Variants in EPHA3 observed in about 807,000 individuals in gnomAD.
The protein encoded by EPHA3 is EPH receptor A3, also known as ephrin type-A receptor 3.
In EPHA3, 42 loss-of-function variants were observed where a neutral mutation model predicts 107.1. That is an observed-to-expected ratio of 0.39 (90% CI 0.31 to 0.51). The LOEUF (loss-of-function observed/expected upper bound fraction) is 0.51. Among genes scored for constraint, EPHA3 ranks in the 20% least tolerant of loss-of-function variants. The pLI, the probability that EPHA3 is intolerant of heterozygous loss-of-function variation, is 0.78. For synonymous variants in EPHA3, 461 were observed against 424.8 expected, an observed-to-expected ratio of 1.09 and a Z score of -1.05; for missense variants, 1,183 against 1,211.2, an observed-to-expected ratio of 0.98 and a Z score of 0.35.
At chr3:89,319,627 C>A (rs1364875855) in intron 3 of EPHA3, among the ~76,000 whole-genome samples, 2 of 151,892 alleles carry the variant, frequency 1.3e-5, no homozygotes, top group African/African-American at 2.4e-5. Context: ...CCCATCAAAA[C>A]CCTATCTAGA....
At chr3:89,475,169 C>T (rs1472034147) in intron 16 of EPHA3, among the ~76,000 whole-genome samples, 1 of 152,120 alleles carries the variant, frequency 6.6e-6, no homozygotes, top group East Asian at 1.9e-4. Context: ...CTTTAACATA[C>T]TAATAATTTG....
In EPHA3 at chr3:89,369,071, G is replaced by C. The variant is rs111673322; in HGVS notation, c.1307-26766G>C. ...ATCGTTTTCTCTGCTATTGAAGCGT[G>C]TCATGGAAGGGAAGAAGAATATGAA... On this transcript the variant is annotated intron_variant, in intron 5 of 16. Coordinates refer to ENST00000336596, the MANE Select transcript of EPHA3 (RefSeq NM_005233.6). Among the ~76,000 whole-genome samples the C allele has an allele frequency of 3.7e-3, 561 of 150,464 alleles. 4 individuals are homozygous for C. The highest frequency in any genetic ancestry group is 0.013 in the African/African-American group (542 of 41,324).
chr3:89,174,321 T>C (rs2107104654), intron 2 of EPHA3, among the ~76,000 whole-genome samples: 1 of 152,138 alleles, frequency 6.6e-6, no homozygotes, highest in South Asian at 2.1e-4. Context: ...GTCTTCTTTA[T>C]CATCCACGAG....
chr3:89,427,558 G>A (rs1709484550), intron 11 of EPHA3, among the ~76,000 whole-genome samples: 1 of 151,886 alleles, frequency 6.6e-6, no homozygotes, highest in Non-Finnish European at 1.5e-5. Context: ...GAAAAGGAGT[G>A]ATTTTCCTTC....
At chr3:89,270,937 T>C (rs192309067) in intron 3 of EPHA3, among the ~76,000 whole-genome samples, 2 of 152,204 alleles carry the variant, frequency 1.3e-5, no homozygotes, top group Non-Finnish European at 2.9e-5. Flanking sequence ...GTCATCCTCA[T>C]TGTATTCACA....
chr3:89,251,992 A>G (rs1390955780), intron 3 of EPHA3, among the ~76,000 whole-genome samples: 12 of 152,206 alleles, frequency 7.9e-5, no homozygotes. Context: ...TAATTATGGT[A>G]TATACAACCT....
chr3:89,201,873 G>T (rs1705976035), intron 2 of EPHA3, among the ~76,000 whole-genome samples: 1 of 152,142 alleles, frequency 6.6e-6, no homozygotes, highest in African/African-American at 2.4e-5. Context: ...AGGATGTTAA[G>T]TGTGAACTTC....
intron 2 of EPHA3, among the ~76,000 whole-genome samples, chr3:89,173,849 A>C (rs1010324756): frequency 2.0e-5 from 3 of 152,062 alleles, no homozygotes; most frequent in African/African-American, 4.8e-5. Context: ...AAAAAAGAAA[A>C]AAATGATCCC....
intron 1 of EPHA3, among the ~76,000 whole-genome samples, chr3:89,110,453 C>T (rs535674563): frequency 6.6e-6 from 1 of 151,914 alleles, no homozygotes; most frequent in Non-Finnish European, 1.5e-5. Flanking sequence ...TCTGAATTTT[C>T]CTTCTATTAA....
At chr3:89,304,439 A>G (rs1170704215) in intron 3 of EPHA3, among the ~76,000 whole-genome samples, 1 of 151,494 alleles carries the variant, frequency 6.6e-6, no homozygotes, top group African/African-American at 2.4e-5. Flanking sequence ...GACTTTTGAG[A>G]CTCGTTACTC....
At chr3:89,401,903 TA>T (rs1410827345) in intron 7 of EPHA3, among the ~76,000 whole-genome samples, 1 of 152,128 alleles carries the variant, frequency 6.6e-6, no homozygotes, top group Non-Finnish European at 1.5e-5. Flanking sequence ...ATATTTGAAA[TA>T]ACAGCAATAA....
chr3:89,180,071 G>A (rs1705407287), intron 2 of EPHA3, among the ~76,000 whole-genome samples: 1 of 151,928 alleles, frequency 6.6e-6, no homozygotes, highest in South Asian at 2.1e-4. Context: ...CTGTAGTTGA[G>A]GGTGTTTAGA....
intron 10 of EPHA3, among the ~76,000 whole-genome samples, chr3:89,415,614 A>G (rs1709231970): frequency 6.6e-6 from 1 of 150,782 alleles, no homozygotes; most frequent in Admixed American, 6.7e-5. Flanking sequence ...TAAAATTAAG[A>G]CATATGAATT....
At chr3:89,158,040 A>G (rs1198045117) in intron 2 of EPHA3, among the ~76,000 whole-genome samples, 12 of 152,072 alleles carry the variant, frequency 7.9e-5, no homozygotes, top group Non-Finnish European at 1.6e-4. Context: ...TGTTTTTAAC[A>G]GATACTTCAG....
chr3:89,470,922 G>A (rs1421096498), intron 15 of EPHA3, among the ~76,000 whole-genome samples: 1 of 152,136 alleles, frequency 6.6e-6, no homozygotes, highest in Non-Finnish European at 1.5e-5. Flanking sequence ...CTTCATGTCT[G>A]TGTAATATTC....
chr3:89,359,703 T>C (rs1435109339), intron 5 of EPHA3, among the ~76,000 whole-genome samples: 1 of 145,472 alleles, frequency 6.9e-6, no homozygotes, highest in Non-Finnish European at 1.5e-5. Flanking sequence ...ACGTTATATA[T>C]TGTGTGTGTG....
intron 2 of EPHA3, among the ~76,000 whole-genome samples, chr3:89,181,200 A>G (rs1322401327): frequency 6.6e-6 from 1 of 151,922 alleles, no homozygotes; most frequent in East Asian, 1.9e-4. Flanking sequence ...CAGTGAATTT[A>G]TTGGTGTTCA....
chr3:89,356,582 T>A (rs1224919632), intron 5 of EPHA3, among the ~76,000 whole-genome samples: 9 of 151,296 alleles, frequency 5.9e-5, no homozygotes, highest in Non-Finnish European at 4.4e-5. Context: ...GGCCCCAAGT[T>A]TTTTTCAAAA....
intron 2 of EPHA3, among the ~76,000 whole-genome samples, chr3:89,197,028 C>G (rs530679417): frequency 6.6e-6 from 1 of 152,248 alleles, no homozygotes; most frequent in East Asian, 1.9e-4. Context: ...AGCACAGCAG[C>G]CTGTGACCTT....
Sources: allele counts gnomAD v4.1 joint callset (sites outside exome capture counted in the v4.1 genomes callset), GRCh38; gene constraint gnomAD v4.1.1; transcripts MANE v1.5; gene names NCBI Gene and HGNC (gene_info 2026-07-23, HGNC 2026-07-21).